Variants in IL1RAPL1 observed in about 807,000 individuals in gnomAD.
IL1RAPL1 encodes the protein interleukin-1 receptor accessory protein-like 1.
A neutral mutation model predicts 48.4 loss-of-function variants in IL1RAPL1; 3 were observed. That is an observed-to-expected ratio of 0.06 (90% confidence interval 0.03 to 0.16). IL1RAPL1 has a LOEUF of 0.16. Ranked by LOEUF, IL1RAPL1 falls within the 10% of genes least tolerant of loss-of-function variation. The pLI, the probability that IL1RAPL1 is intolerant of heterozygous loss-of-function variation, is 1.00. For missense variants in IL1RAPL1, 349 were observed against 530.6 expected (o/e 0.66, Z 3.36); for synonymous variants, 185 against 187.7 (o/e 0.99, Z 0.12).
At chrX:28,998,837 C>A (rs764950443) in intron 2 of IL1RAPL1, among the ~76,000 whole-genome samples, 7 of 112,113 alleles carry the variant, frequency 6.2e-5, no homozygotes, top group Admixed American at 9.4e-5. Flanking sequence ...AAAGCAGGTG[C>A]TATTCCAAGC....
intron 2 of IL1RAPL1, among the ~76,000 whole-genome samples, chrX:29,150,444 T>C (rs1246337560): frequency 9.0e-6 from 1 of 111,088 alleles, no homozygotes; most frequent in African/African-American, 3.3e-5. Flanking sequence ...TTTCAGATTG[T>C]TTAAATACAG....
At chrX:28,741,054 A>G (rs1935901137) in intron 1 of IL1RAPL1, among the ~76,000 whole-genome samples, 1 of 111,923 alleles carries the variant, frequency 8.9e-6, no homozygotes, top group Admixed American at 9.5e-5. Context: ...TTTTGGATAC[A>G]CATACAGTAA....
At chrX:29,627,983 C>T (rs1274473496) in intron 5 of IL1RAPL1, among the ~76,000 whole-genome samples, 1 of 112,142 alleles carries the variant, frequency 8.9e-6, no homozygotes, top group Non-Finnish European at 1.9e-5. Context: ...GAACTATTTA[C>T]CTGTGTACAC....
At chrX:29,334,066 C>T (rs867251561) in intron 3 of IL1RAPL1, among the ~76,000 whole-genome samples, 48 of 77,453 alleles carry the variant, frequency 6.2e-4, no homozygotes, top group African/African-American at 2.9e-3. Context: ...GCTGGCCGGG[C>T]GGGGGGCTGA....
chrX:29,380,529 T>A (rs891788529), intron 3 of IL1RAPL1, among the ~76,000 whole-genome samples: 2 of 112,280 alleles, frequency 1.8e-5, no homozygotes, highest in African/African-American at 6.5e-5. Context: ...ACCTGGCCAT[T>A]GTTGAAGGCT....
At chrX:29,727,520 T>C (rs1927805331) in intron 6 of IL1RAPL1, among the ~76,000 whole-genome samples, 1 of 112,298 alleles carries the variant, frequency 8.9e-6, no homozygotes, top group Non-Finnish European at 1.9e-5. Flanking sequence ...TTACCTGGGA[T>C]ACTACTTTGC....
chrX:29,306,188 C>T (rs1335232450), intron 3 of IL1RAPL1, among the ~76,000 whole-genome samples: 1 of 111,949 alleles, frequency 8.9e-6, no homozygotes, highest in African/African-American at 3.2e-5. Flanking sequence ...TGTTTAATTC[C>T]CTCCAATCCA....
At chrX:28,802,232 G>A (rs1245966216) in intron 2 of IL1RAPL1, among the ~76,000 whole-genome samples, 3 of 112,298 alleles carry the variant, frequency 2.7e-5, no homozygotes, top group Non-Finnish European at 5.6e-5. Context: ...CTTGCATGTG[G>A]TGATGTGATT....
chrX:29,138,635 G>A (rs1386707167), intron 2 of IL1RAPL1, among the ~76,000 whole-genome samples: 1 of 108,025 alleles, frequency 9.3e-6, no homozygotes, highest in Non-Finnish European at 1.9e-5. Context: ...AAATTAGCAG[G>A]ACTTGGTAAT....
chrX:29,093,440 G>A (rs1486065487), intron 2 of IL1RAPL1, among the ~76,000 whole-genome samples: 2 of 111,351 alleles, frequency 1.8e-5, no homozygotes, highest in African/African-American at 6.5e-5. Flanking sequence ...CCATGATCCA[G>A]TCACCTCCCA....
intron 5 of IL1RAPL1, among the ~76,000 whole-genome samples, chrX:29,413,735 A>G (rs960042455): frequency 9.0e-6 from 1 of 110,916 alleles, no homozygotes; most frequent in Non-Finnish European, 1.9e-5. Context: ...ATTATTGACT[A>G]ACATTCATTG....
chrX:29,264,663 A>G (rs979757472), intron 2 of IL1RAPL1, among the ~76,000 whole-genome samples: 3 of 110,720 alleles, frequency 2.7e-5, no homozygotes, highest in Non-Finnish European at 5.7e-5. Flanking sequence ...TTTACTATAT[A>G]AGCAATGTAA....
At chrX:29,562,064 CTA>C (rs1922225968) in intron 5 of IL1RAPL1, among the ~76,000 whole-genome samples, 1 of 103,239 alleles carries the variant, frequency 9.7e-6, no homozygotes. Flanking sequence ...ATCTATCTAT[CTA>C]TCTATCTATC....
intron 5 of IL1RAPL1, among the ~76,000 whole-genome samples, chrX:29,426,101 A>G (rs11797218): frequency 0.022 from 2,444 of 111,996 alleles, 30 homozygotes; most frequent in Non-Finnish European, 0.034. Flanking sequence ...GAGCCCAGGA[A>G]TACATAGTAC....
At chrX:28,915,943 G>GTATATA (rs61698059) in intron 2 of IL1RAPL1, among the ~76,000 whole-genome samples, 4 of 102,290 alleles carry the variant, frequency 3.9e-5, no homozygotes, top group African/African-American at 1.1e-4. Context: ...ATATGTATGT[G>GTATATA]TATATATATA....
chrX:28,970,988 A>G (rs1925057063), intron 2 of IL1RAPL1, among the ~76,000 whole-genome samples: 1 of 111,783 alleles, frequency 8.9e-6, no homozygotes, highest in South Asian at 3.7e-4. Flanking sequence ...ACATTCAACT[A>G]CCTTGCATAT....
Position 29,063,710 on chromosome X carries a change from G to A in IL1RAPL1, c.83-219228G>A, listed in dbSNP as rs538345096. Among the ~76,000 whole-genome samples the A allele has an allele frequency of 3.4e-4, 38 of 111,250 alleles. No individual in the cohort carries two copies. In the South Asian group the frequency reaches 0.013, roughly 39 times the overall value. ...AATTCCTGTTGAGAGGGCAAAACAC[G>A]CGTAGTCCAGAACTGCATTTCTTTA... On this transcript the variant is annotated intron_variant, in intron 2 of 10. Transcript: ENST00000378993.
chrX:28,768,095 A>T (rs999584416), intron 1 of IL1RAPL1, among the ~76,000 whole-genome samples: 8 of 111,588 alleles, frequency 7.2e-5, no homozygotes, highest in Non-Finnish European at 1.1e-4. Flanking sequence ...TGAGAAGTCC[A>T]TGAATATTAA....
At chrX:28,733,672 T>C (rs983932257) in intron 1 of IL1RAPL1, among the ~76,000 whole-genome samples, 15 of 111,837 alleles carry the variant, frequency 1.3e-4, no homozygotes, top group African/African-American at 4.2e-4. Flanking sequence ...CGTAGACTTC[T>C]CGATGATGGA....
Sources: allele counts gnomAD v4.1 joint callset (sites outside exome capture counted in the v4.1 genomes callset), GRCh38; gene constraint gnomAD v4.1.1; transcripts MANE v1.5; gene names NCBI Gene and HGNC (gene_info 2026-07-23, HGNC 2026-07-21).